The following PCLO variants were observed in gnomAD, a reference collection of about 807,000 sequenced individuals.
The protein encoded by PCLO is piccolo presynaptic cytomatrix protein, also known as protein piccolo.
In PCLO, 82 loss-of-function variants were observed where a neutral mutation model predicts 427.5. The ratio of observed to expected loss-of-function variants is 0.19; its 90% CI spans 0.16 to 0.23. The LOEUF (loss-of-function observed/expected upper bound fraction) is 0.23, where lower values mean the gene tolerates loss of function less well. PCLO is among the 10% of genes least tolerant of loss of function. PCLO has a pLI of 1.00. For missense variants in PCLO, 6,239 were observed against 6,115.9 expected (o/e 1.02, Z -0.67); for synonymous variants, 2,357 against 2,155.4 (o/e 1.09, Z -2.59).
At chr7:82,766,254 A>G (rs1351118032) in intron 22 of PCLO, among the ~76,000 whole-genome samples, 2 of 152,036 alleles carry the variant, frequency 1.3e-5, no homozygotes, top group Non-Finnish European at 2.9e-5. Flanking sequence ...AAAAACAGAC[A>G]TGCCTCCCCA....
chr7:82,774,118 AG>A (rs1465067144), intron 22 of PCLO, among the ~76,000 whole-genome samples: 1 of 152,086 alleles, frequency 6.6e-6, no homozygotes, highest in African/African-American at 2.4e-5. Context: ...CATCTTCCCT[AG>A]TTAGTTCCTT....
At chr7:82,869,112 T>C (rs1793168367) in intron 10 of PCLO, among the ~76,000 whole-genome samples, 1 of 152,078 alleles carries the variant, frequency 6.6e-6, no homozygotes, top group Admixed American at 6.6e-5. Flanking sequence ...TAAATAAAGC[T>C]TAGAACCAAT....
intron 3 of PCLO, among the ~76,000 whole-genome samples, chr7:83,109,225 T>C (rs879328555): frequency 1.3e-4 from 20 of 152,192 alleles, no homozygotes; most frequent in Non-Finnish European, 2.6e-4. Flanking sequence ...TTTATTTGAC[T>C]TTCCATGTGT....
chr7:82,978,542 C>G (rs552782796), intron 3 of PCLO, among the ~76,000 whole-genome samples: 1 of 151,852 alleles, frequency 6.6e-6, no homozygotes, highest in South Asian at 2.1e-4. Context: ...ATAATTTTTG[C>G]TCTTAGAAGA....
rs1190364079 is a variant in PCLO, at chr7:82,921,296, AAAC to A, written c.11113-4426_11113-4424del. On this transcript the variant is annotated intron_variant, in intron 6 of 24. Transcript: ENST00000333891. Reference sequence around the variant, plus strand: ...CAATCCTAAGCAAAAACAAACAAACAAACAAACAAACAAAAACAAAGCTAGGGG... The same window carrying A: ...CAATCCTAAGCAAAAACAAACAAACAAAACAAACAAAAACAAAGCTAGGGG... Among the ~76,000 whole-genome samples the A allele has an allele frequency of 7.2e-5, 11 of 152,022 alleles. 1 individual carries two copies. Among genetic ancestry groups the A allele is most frequent in the Admixed American group, 5.3e-4 (8 of 15,224 alleles).
chr7:83,122,855 C>T (rs1282918696), intron 3 of PCLO, among the ~76,000 whole-genome samples: 1 of 152,040 alleles, frequency 6.6e-6, no homozygotes, highest in Non-Finnish European at 1.5e-5. Context: ...CGAACAACCT[C>T]ACAAAATAAG....
chr7:83,009,824 A>G (rs1221780483), intron 3 of PCLO, among the ~76,000 whole-genome samples: 1 of 151,998 alleles, frequency 6.6e-6, no homozygotes, highest in Non-Finnish European at 1.5e-5. Flanking sequence ...TGATGTTTAA[A>G]AGCATTCTCT....
intron 3 of PCLO, among the ~76,000 whole-genome samples, chr7:83,132,807 T>C (rs941803817): frequency 2.6e-5 from 4 of 152,100 alleles, no homozygotes; most frequent in Admixed American, 6.5e-5. Context: ...AAGGTACAAT[T>C]TTGTTTAATA....
chr7:82,919,837 C>T (rs1449316286), intron 6 of PCLO, among the ~76,000 whole-genome samples: 1 of 151,946 alleles, frequency 6.6e-6, no homozygotes, highest in Non-Finnish European at 1.5e-5. Context: ...CATAACTATT[C>T]AATTCACTTA....
chr7:82,845,268 C>T lies in PCLO; in HGVS notation c.14046+3G>A, dbSNP rs377765696. On this transcript the variant is annotated splice_donor_region_variant and intron_variant, in intron 13 of 24. Transcript: ENST00000333891. ...GGTCAGAGGTCACATCAACAATCCT[C>T]ACCTTGCTGCTGCCGTGCTTCTTTT... The T allele has an allele frequency of 3.7e-6, 6 of 1,611,540 alleles. No homozygotes were observed. Among genetic ancestry groups the T allele is most frequent in the Non-Finnish European group, 5.1e-6 (6 of 1,178,332 alleles).
rs920537340 is a variant in PCLO at position 82,954,000 on chromosome 7, T to C, written c.6953A>G (p.Glu2318Gly). ...CAACTCCTTTTTATCTCTGTAAGCT[T>C]CCAAAACTTCCAGAATGATTCCATT... ...TGNGIILEVLEAYRDKKELEA... is the reference protein window; with the variant it reads ...TGNGIILEVLGAYRDKKELEA... Residue 2318 changes from glutamate (E) to glycine (G), a missense_variant, in exon 5 of 25, where the codon GAA (glutamate) becomes GGA (glycine). This residue lies in a region of PCLO where 4,677 missense variants were observed against 4,468.4 expected (regional missense o/e 1.05). Coordinates refer to ENST00000333891, the MANE Select transcript of PCLO (RefSeq NM_033026.6). The C allele has an allele frequency of 1.2e-6, 2 of 1,613,828 alleles. No homozygotes were observed. Among genetic ancestry groups the C allele is most frequent in the African/African-American group, 2.7e-5 (2 of 74,910 alleles).
intron 3 of PCLO, among the ~76,000 whole-genome samples, chr7:82,985,348 T>C (rs747130241): frequency 3.3e-5 from 5 of 152,076 alleles, no homozygotes; most frequent in Non-Finnish European, 7.4e-5. Context: ...GGTATTTATT[T>C]TGGCCAAGCT....
intron 3 of PCLO, among the ~76,000 whole-genome samples, chr7:83,076,150 C>A (rs893698973): frequency 1.3e-5 from 2 of 151,254 alleles, no homozygotes; most frequent in South Asian, 4.2e-4. Context: ...TCATACCTTT[C>A]GCAAGTCTCC....
In PCLO at chr7:83,125,307, G is replaced by T. The variant is rs986040189; in HGVS notation, c.3300+8943C>A. 2.0e-5 allele frequency among the ~76,000 whole-genome samples: 3 copies of T among 152,010 alleles called. No individual in the cohort carries two copies. In the East Asian group the frequency reaches 5.8e-4, roughly 30 times the overall value. ...GCCCGGCCGCCGCCCCCTCTGGAAGGTGGGGGGCACCCCCGCCCGGCAGCC... is the reference window on the plus strand; with the variant it reads ...GCCCGGCCGCCGCCCCCTCTGGAAGTTGGGGGGCACCCCCGCCCGGCAGCC... On this transcript the variant is annotated intron_variant, in intron 3 of 24. Transcript: ENST00000333891.
At chr7:83,086,362 G>A (rs1790232460) in intron 3 of PCLO, among the ~76,000 whole-genome samples, 1 of 152,078 alleles carries the variant, frequency 6.6e-6, no homozygotes, top group African/African-American at 2.4e-5. Context: ...ACCAGACTCA[G>A]CATCCCAAAG....
chr7:82,763,942 G>T (rs932396977), intron 22 of PCLO, among the ~76,000 whole-genome samples: 7 of 151,920 alleles, frequency 4.6e-5, no homozygotes, highest in Admixed American at 4.6e-4. Flanking sequence ...ACTTCACAAA[G>T]TTTGACTCTC....
chr7:83,153,768 C>T (rs1477421163), intron 2 of PCLO, among the ~76,000 whole-genome samples: 1 of 152,142 alleles, frequency 6.6e-6, no homozygotes, highest in Admixed American at 6.5e-5. Context: ...ATGTGGAAAG[C>T]CAAAGTCTGA....
chr7:82,999,150 G>T (rs992955727), intron 3 of PCLO, among the ~76,000 whole-genome samples: 1 of 139,080 alleles, frequency 7.2e-6, no homozygotes, highest in Non-Finnish European at 1.5e-5. Flanking sequence ...AAAAAGCAGA[G>T]AATGAAGACT....
intron 22 of PCLO, among the ~76,000 whole-genome samples, chr7:82,776,929 CACAT>C (rs954049377): frequency 2.6e-5 from 4 of 151,198 alleles, no homozygotes; most frequent in Admixed American, 2.6e-4. Flanking sequence ...CACACACACA[CACAT>C]ACACACATAC....
Sources: allele counts gnomAD v4.1 joint callset (sites outside exome capture counted in the v4.1 genomes callset), GRCh38; gene constraint gnomAD v4.1.1; regional missense constraint gnomAD v4.1.1; transcripts MANE v1.5; gene names NCBI Gene and HGNC (gene_info 2026-07-23, HGNC 2026-07-21).